ADCY2: variants seen among roughly 807,000 people sequenced by gnomAD.
ADCY2 encodes adenylate cyclase type 2.
Under a neutral mutation model 125.2 loss-of-function variants are expected in ADCY2, and 31 were observed. The ratio of observed to expected loss-of-function variants is 0.25; its 90% CI spans 0.19 to 0.33. The LOEUF is 0.33. ADCY2 is among the 10% of genes least tolerant of loss of function. ADCY2 has a pLI of 1.00. For missense variants in ADCY2, 904 were observed against 1,418.2 expected (o/e 0.64, Z 5.82); for synonymous variants, 512 against 548.4 (o/e 0.93, Z 0.93).
chr5:7,411,928 G>A (rs893760443), intron 1 of ADCY2, among the ~76,000 whole-genome samples: 1 of 152,200 alleles, frequency 6.6e-6, no homozygotes, highest in Admixed American at 6.5e-5. Context: ...ACAAAAAATT[G>A]GCCGGGCGTA....
chr5:7,414,644 C>T lies in ADCY2; in HGVS notation c.282C>T (p.Ile94=), dbSNP rs368170843. Residue 94 remains isoleucine, a synonymous_variant, in exon 2 of 25, where the codon ATC becomes ATT. Transcript: ENST00000338316. ...TGGCGATTTTCTTTGCGATATTTAT[C>T]CTGGTCTGCATCGAGTCTGTGTTTA... is the stretch of plus-strand genomic sequence containing the variant. The part of the protein sequence containing the change: ...TALAIFFAIF[I]LVCIESVFKK... 2 of 1,613,654 alleles carry T rather than the reference C, an allele frequency of 1.2e-6. No homozygotes were observed. The highest frequency in any genetic ancestry group is 1.7e-5 in the Admixed American group (1 of 59,948).
At chr5:7,536,308 G>A (rs1278362882) in intron 3 of ADCY2, among the ~76,000 whole-genome samples, 3 of 152,202 alleles carry the variant, frequency 2.0e-5, no homozygotes, top group East Asian at 1.9e-4. Context: ...CAGACCAATC[G>A]TGTAGGGCAG....
At chr5:7,826,458 C>A (rs1745480606) in intron 24 of ADCY2, 1 of 550,198 alleles carries the variant, frequency 1.8e-6, no homozygotes, top group East Asian at 3.7e-5. Context: ...ATGATAGCAT[C>A]ATGGTAGCAC....
At chr5:7,747,637 G>C (rs1364869199) in intron 15 of ADCY2, among the ~76,000 whole-genome samples, 2 of 151,962 alleles carry the variant, frequency 1.3e-5, no homozygotes, top group Non-Finnish European at 2.9e-5. Flanking sequence ...TGACTCTGAC[G>C]TGCCTCCAGC....
At chr5:7,641,284 T>G (rs569329141) in intron 4 of ADCY2, among the ~76,000 whole-genome samples, 2 of 152,272 alleles carry the variant, frequency 1.3e-5, no homozygotes, top group African/African-American at 2.4e-5. Context: ...TGCCCCAAGA[T>G]TCACAGATTC....
chr5:7,427,372 G>A (rs1442844656), intron 2 of ADCY2, among the ~76,000 whole-genome samples: 1 of 152,202 alleles, frequency 6.6e-6, no homozygotes, highest in African/African-American at 2.4e-5. Context: ...GGCTGAGAAG[G>A]CCTTAGGAAA....
intron 2 of ADCY2, among the ~76,000 whole-genome samples, chr5:7,515,744 A>G (rs1171741897): frequency 6.6e-6 from 1 of 152,166 alleles, no homozygotes. Flanking sequence ...GCAAATATTC[A>G]TGAGGCATCT....
chr5:7,713,625 C>T (rs73041781), intron 11 of ADCY2, among the ~76,000 whole-genome samples: 6,748 of 152,188 alleles, frequency 0.044, 498 homozygotes, highest in African/African-American at 0.15. Flanking sequence ...AGAAAAGTTT[C>T]CCACAAATGT....
intron 2 of ADCY2, among the ~76,000 whole-genome samples, chr5:7,458,321 TGAGAGTAATGAACAGTTTTG>T (rs1447325173): frequency 1.3e-5 from 2 of 152,200 alleles, no homozygotes; most frequent in Non-Finnish European, 2.9e-5. Context: ...AAATTATTAA[TGAGAGTAATGAACAGTTTTG>T]TAGAGTAATG....
Position 7,626,379 on chromosome 5 carries a change from A to G in ADCY2, c.720+63A>G, listed in dbSNP as rs1738128820. 4.5e-6 allele frequency: 7 copies of G among 1,554,486 alleles called. No individual in the cohort carries two copies. The East Asian group carries it at 6.8e-5, about 15-fold the overall frequency. ...TCATTATTAAAATGATGCTGTTACT[A>G]TTAATGTTGAGTGTCGTTCATTCAT... On this transcript the variant is annotated intron_variant, in intron 4 of 24. Transcript: ENST00000338316.
intron 10 of ADCY2, among the ~76,000 whole-genome samples, chr5:7,712,004 A>G (rs1386160188): frequency 6.6e-6 from 1 of 152,136 alleles, no homozygotes; most frequent in East Asian, 1.9e-4. Flanking sequence ...CTAATCCCCT[A>G]TACAGAACTC....
rs532125556 is a variant in ADCY2 at position 7,597,004 on chromosome 5, G to T, written c.571-29163G>T. 9.2e-5 allele frequency among the ~76,000 whole-genome samples: 14 copies of T among 152,322 alleles called. No individual in the cohort carries two copies. In the South Asian group the frequency reaches 2.7e-3, roughly 29 times the overall value. On this transcript the variant is annotated intron_variant, in intron 3 of 24. Coordinates refer to ENST00000338316, the MANE Select transcript of ADCY2 (RefSeq NM_020546.3). Reference sequence around the variant, plus strand: ...GAAAACTAGTGAATGAGGAAGTACAGCTCCATGAGCCACTTTTTGAGCTCC... The same window carrying T: ...GAAAACTAGTGAATGAGGAAGTACATCTCCATGAGCCACTTTTTGAGCTCC...
At chr5:7,590,862 A>G (rs183207948) in intron 3 of ADCY2, among the ~76,000 whole-genome samples, 3 of 152,296 alleles carry the variant, frequency 2.0e-5, no homozygotes, top group Non-Finnish European at 4.4e-5. Context: ...AACCATTAAT[A>G]TAGTCAAGAC....
intron 22 of ADCY2, among the ~76,000 whole-genome samples, chr5:7,815,662 G>T (rs1201013843): frequency 6.6e-6 from 1 of 152,186 alleles, no homozygotes; most frequent in Non-Finnish European, 1.5e-5. Context: ...ATGATAAACA[G>T]AAATTAATAG....
chr5:7,557,333 G>A (rs1198224285), intron 3 of ADCY2, among the ~76,000 whole-genome samples: 1 of 151,908 alleles, frequency 6.6e-6, no homozygotes, highest in African/African-American at 2.4e-5. Context: ...ACATGTTAAA[G>A]TCTGACATAC....
chr5:7,674,067 G>A (rs764301851), intron 4 of ADCY2, among the ~76,000 whole-genome samples: 3 of 47,042 alleles, frequency 6.4e-5, no homozygotes, highest in Non-Finnish European at 1.2e-4. Context: ...CAGAGGGTAG[G>A]GTCCAGTCTC....
chr5:7,501,826 A>C (rs1355927146), intron 2 of ADCY2, among the ~76,000 whole-genome samples: 1 of 151,928 alleles, frequency 6.6e-6, no homozygotes, highest in East Asian at 1.9e-4. Flanking sequence ...GGATCAGTGG[A>C]TTATTTGCTT....
chr5:7,754,727 AAAC>A (rs910901597), intron 15 of ADCY2, among the ~76,000 whole-genome samples: 8 of 3,686 alleles, frequency 2.2e-3, no homozygotes, highest in East Asian at 0.25. Context: ...CAAAACAAAC[AAAC>A]AAAAAAAACT....
intron 3 of ADCY2, among the ~76,000 whole-genome samples, chr5:7,578,026 C>A (rs755639856): frequency 2.0e-5 from 3 of 152,186 alleles, no homozygotes; most frequent in Non-Finnish European, 2.9e-5. Flanking sequence ...CTGTCATAGG[C>A]ATCCTTAGTT....
Sources: gnomAD v4.1 joint callset for allele counts (sites outside exome capture counted in the v4.1 genomes callset) on GRCh38, gnomAD v4.1.1 for gene constraint, MANE v1.5 for transcripts, NCBI Gene and HGNC (gene_info 2026-07-23, HGNC 2026-07-21) for gene names.